SCAPER: variants seen among roughly 807,000 people sequenced by gnomAD.
SCAPER encodes S-phase cyclin A associated protein in the ER, also known as S phase cyclin A-associated protein in the endoplasmic reticulum.
SCAPER carries 98 observed loss-of-function variants against 182.2 expected under a neutral mutation model. The observed-to-expected ratio is 0.54, with a 90% CI of 0.46 to 0.64. SCAPER has a LOEUF of 0.64. Among genes scored for constraint, SCAPER ranks in the 30% least tolerant of loss-of-function variants. The pLI, the probability that SCAPER is intolerant of heterozygous loss-of-function variation, is 0.00. For synonymous variants in SCAPER, 605 were observed against 564.6 expected, an observed-to-expected ratio of 1.07 and a Z score of -1.01; for missense variants, 1,432 against 1,690.0, an observed-to-expected ratio of 0.85 and a Z score of 2.68.
intron 29 of SCAPER, among the ~76,000 whole-genome samples, chr15:76,375,590 A>C (rs2042501833): frequency 6.6e-6 from 1 of 152,268 alleles, no homozygotes; most frequent in Non-Finnish European, 1.5e-5. Flanking sequence ...ATGGTAAGAG[A>C]GTACATGCTT....
chr15:76,788,853 T>C (rs2064806472), intron 8 of SCAPER, among the ~76,000 whole-genome samples: 1 of 152,180 alleles, frequency 6.6e-6, no homozygotes. Context: ...TTTTTATTTT[T>C]TTTGAGACTG....
intron 22 of SCAPER, among the ~76,000 whole-genome samples, chr15:76,618,743 T>C (rs1244346302): frequency 1.3e-5 from 2 of 152,246 alleles, no homozygotes; most frequent in African/African-American, 4.8e-5. Flanking sequence ...AAAGTAAATA[T>C]GTATTTCAAA....
intron 22 of SCAPER, among the ~76,000 whole-genome samples, chr15:76,586,022 G>T (rs1300184436): frequency 6.6e-6 from 1 of 152,118 alleles, no homozygotes; most frequent in Non-Finnish European, 1.5e-5. Flanking sequence ...GTATCTGTCA[G>T]GTAAATGGTT....
intron 1 of SCAPER, among the ~76,000 whole-genome samples, chr15:76,888,323 AATG>A (rs1395885415): frequency 6.6e-6 from 1 of 152,096 alleles, no homozygotes; most frequent in Non-Finnish European, 1.5e-5. Context: ...CTGGATGGAG[AATG>A]ATGAGTTGAC....
At chr15:76,370,494 G>A (rs909534780) in intron 29 of SCAPER, among the ~76,000 whole-genome samples, 1 of 151,848 alleles carries the variant, frequency 6.6e-6, no homozygotes, top group African/African-American at 2.4e-5. Flanking sequence ...TAGTAGAGAT[G>A]GGGTTTTGCC....
At chr15:76,632,096 G>C (rs2053162841) in intron 21 of SCAPER, among the ~76,000 whole-genome samples, 1 of 152,144 alleles carries the variant, frequency 6.6e-6, no homozygotes, top group Non-Finnish European at 1.5e-5. Flanking sequence ...ACTTGTGTTT[G>C]CATTGTGACG....
At chr15:76,730,399 C>A (rs934817145) in intron 16 of SCAPER, among the ~76,000 whole-genome samples, 2 of 151,684 alleles carry the variant, frequency 1.3e-5, no homozygotes, top group Non-Finnish European at 2.9e-5. Flanking sequence ...TGGAGTCATG[C>A]AATTAGATTT....
In SCAPER at chr15:76,824,089, C is replaced by T. The variant is rs62029186; in HGVS notation, c.393+17645G>A. ...CAGCTGTAATCCGAGTCATGTTTTACGAACAAGGGAATACAAACAAGACAA... is the reference window on the plus strand; with the variant it reads ...CAGCTGTAATCCGAGTCATGTTTTATGAACAAGGGAATACAAACAAGACAA... On this transcript the variant is annotated intron_variant, in intron 5 of 31. Coordinates refer to ENST00000563290, the MANE Select transcript of SCAPER (RefSeq NM_020843.4). 7.0e-4 allele frequency among the ~76,000 whole-genome samples: 106 copies of T among 152,140 alleles called. 1 individual carries two copies. The highest frequency in any genetic ancestry group is 1.2e-3 in the South Asian group (6 of 4,816).
intron 25 of SCAPER, among the ~76,000 whole-genome samples, chr15:76,444,761 G>A (rs971428288): frequency 2.0e-5 from 3 of 152,098 alleles, no homozygotes; most frequent in African/African-American, 7.2e-5. Context: ...TAGATTTCTT[G>A]TTATGGCTCC....
At chr15:76,646,271 C>G (rs149888166) in intron 21 of SCAPER, among the ~76,000 whole-genome samples, 1 of 152,092 alleles carries the variant, frequency 6.6e-6, no homozygotes, top group South Asian at 2.1e-4. Context: ...AACACACACA[C>G]GCACCCCCCA....
chr15:76,862,158 T>G (rs2151884125), intron 3 of SCAPER, among the ~76,000 whole-genome samples: 1 of 152,262 alleles, frequency 6.6e-6, no homozygotes, highest in East Asian at 1.9e-4. Flanking sequence ...CTCTTATCAC[T>G]TTAACAACCC....
chr15:76,439,642 G>C (rs1022280857), intron 25 of SCAPER, among the ~76,000 whole-genome samples: 1 of 152,166 alleles, frequency 6.6e-6, no homozygotes, highest in East Asian at 1.9e-4. Context: ...CTGTCCTTTG[G>C]GCAATGTGTG....
intron 5 of SCAPER, among the ~76,000 whole-genome samples, chr15:76,825,350 A>G (rs1043470258): frequency 2.0e-5 from 3 of 152,138 alleles, no homozygotes; most frequent in Non-Finnish European, 4.4e-5. Context: ...GCCAGCACAA[A>G]TACCACAAAT....
intron 21 of SCAPER, among the ~76,000 whole-genome samples, chr15:76,662,426 A>T (rs1368986236): frequency 4.6e-5 from 7 of 152,208 alleles, no homozygotes; most frequent in Admixed American, 4.6e-4. Flanking sequence ...TAAAAATTGC[A>T]CAGTCCTGAG....
chr15:76,652,478 C>T (rs1343813948), intron 21 of SCAPER, among the ~76,000 whole-genome samples: 3 of 117,644 alleles, frequency 2.6e-5, no homozygotes, highest in African/African-American at 6.6e-5. Flanking sequence ...ATGGTGAACC[C>T]CGTGTCTTTG....
At chr15:76,455,895 A>G (rs975654366) in intron 25 of SCAPER, among the ~76,000 whole-genome samples, 3 of 151,546 alleles carry the variant, frequency 2.0e-5, no homozygotes, top group African/African-American at 7.3e-5. Flanking sequence ...TCATTGTTCA[A>G]CTCCCACTTA....
chr15:76,712,573 T>C (rs2059648923), intron 17 of SCAPER, among the ~76,000 whole-genome samples: 1 of 152,330 alleles, frequency 6.6e-6, no homozygotes, highest in East Asian at 1.9e-4. Flanking sequence ...CCCATGAGCA[T>C]GGAATGTTCT....
intron 23 of SCAPER, among the ~76,000 whole-genome samples, chr15:76,551,418 C>T (rs1380733682): frequency 6.6e-6 from 1 of 152,078 alleles, no homozygotes; most frequent in Non-Finnish European, 1.5e-5. Context: ...AACCTGGATA[C>T]ACTTGGAGGA....
At chr15:76,876,093 G>A (rs866381378) in intron 2 of SCAPER, among the ~76,000 whole-genome samples, 49 of 152,252 alleles carry the variant, frequency 3.2e-4, no homozygotes, top group African/African-American at 5.3e-4. Context: ...CTCACTGCCC[G>A]GGGCCACTCC....
Sources: gnomAD v4.1 joint callset for allele counts (sites outside exome capture counted in the v4.1 genomes callset) on GRCh38, gnomAD v4.1.1 for gene constraint, MANE v1.5 for transcripts, NCBI Gene and HGNC (gene_info 2026-07-23, HGNC 2026-07-21) for gene names.